APBB2: variants seen among roughly 807,000 people sequenced by gnomAD.
APBB2 encodes amyloid beta precursor protein binding family B member 2.
A neutral mutation model predicts 82.5 loss-of-function variants in APBB2; 38 were observed. The observed-to-expected ratio is 0.46, with a 90% confidence interval of 0.36 to 0.60. APBB2 has a LOEUF of 0.60. Among genes scored for constraint, APBB2 ranks in the 20% least tolerant of loss-of-function variants. The pLI, the probability that APBB2 is intolerant of heterozygous loss-of-function variation, is 0.00. For synonymous variants in APBB2, 341 were observed against 368.2 expected (o/e 0.93, Z 0.85); for missense variants, 772 against 972.3 (o/e 0.79, Z 2.74).
Position 40,834,975 on chromosome 4 carries a change from T to G in APBB2, c.1530-4398A>C, listed in dbSNP as rs532084778. ...GTGTGGTATTAAAGACTGATATTTT[T>G]TAAAATATTCAATTCATTAAAGTCC... On this transcript the variant is annotated intron_variant, in intron 12 of 17. Transcript: ENST00000508593. Among the ~76,000 whole-genome samples, 394 of 152,270 alleles carry G rather than the reference T, an allele frequency of 2.6e-3. 2 individuals carry two copies. The highest frequency in any genetic ancestry group is 9.0e-3 in the African/African-American group (372 of 41,554).
At chr4:40,987,542 T>C (rs553590879) in intron 6 of APBB2, among the ~76,000 whole-genome samples, 1 of 152,310 alleles carries the variant, frequency 6.6e-6, no homozygotes, top group East Asian at 1.9e-4. Context: ...TTCAATCCAA[T>C]GGCTAACTCT....
chr4:41,063,910 C>T (rs1730707767), intron 4 of APBB2, among the ~76,000 whole-genome samples: 1 of 148,616 alleles, frequency 6.7e-6, no homozygotes, highest in African/African-American at 2.5e-5. Flanking sequence ...AACTCCTGGG[C>T]TCAAGTGATC....
chr4:40,823,351 G>A (rs1038299051), intron 16 of APBB2, among the ~76,000 whole-genome samples: 1 of 152,172 alleles, frequency 6.6e-6, no homozygotes, highest in African/African-American at 2.4e-5. Flanking sequence ...GGCGCCCTGA[G>A]AGTGAGCGAC....
intron 1 of APBB2, among the ~76,000 whole-genome samples, chr4:41,155,678 C>T (rs769753284): frequency 3.3e-5 from 5 of 152,350 alleles, no homozygotes; most frequent in Non-Finnish European, 5.9e-5. Flanking sequence ...AGGAAAGCAG[C>T]TTTCATGGAA....
chr4:41,103,352 A>T (rs1189931383), intron 2 of APBB2, among the ~76,000 whole-genome samples: 1 of 152,208 alleles, frequency 6.6e-6, no homozygotes, highest in Non-Finnish European at 1.5e-5. Flanking sequence ...GACAAAATGA[A>T]TGGAATTACT....
At chr4:40,835,383 A>G (rs899951619) in intron 12 of APBB2, among the ~76,000 whole-genome samples, 9 of 152,212 alleles carry the variant, frequency 5.9e-5, no homozygotes, top group Non-Finnish European at 1.0e-4. Flanking sequence ...CCAGCCTTGC[A>G]AGCCCGTCTA....
intron 4 of APBB2, among the ~76,000 whole-genome samples, chr4:41,039,937 G>A (rs1720705255): frequency 6.6e-6 from 1 of 151,690 alleles, no homozygotes; most frequent in South Asian, 2.1e-4. Context: ...GGACCAAAAA[G>A]CAATGTCCTG....
At chr4:41,192,305 A>AT (rs1348625944) in intron 1 of APBB2, among the ~76,000 whole-genome samples, 2 of 152,220 alleles carry the variant, frequency 1.3e-5, no homozygotes, top group Non-Finnish European at 2.9e-5. Flanking sequence ...CCCAAAGGAA[A>AT]TGAAATCACC....
intron 3 of APBB2, among the ~76,000 whole-genome samples, chr4:41,067,689 T>C (rs1383218144): frequency 1.3e-5 from 2 of 152,060 alleles, no homozygotes; most frequent in African/African-American, 4.8e-5. Context: ...CCAGGAAGAA[T>C]GGTAGAGAGG....
At chr4:41,016,483 G>GAA (rs1402899399) in intron 5 of APBB2, among the ~76,000 whole-genome samples, 1 of 152,146 alleles carries the variant, frequency 6.6e-6, no homozygotes, top group Non-Finnish European at 1.5e-5. Context: ...CCAACATGGA[G>GAA]AAACCCTGTC....
chr4:40,997,743 C>T (rs1804030826), intron 6 of APBB2, among the ~76,000 whole-genome samples: 1 of 152,194 alleles, frequency 6.6e-6, no homozygotes, highest in Admixed American at 6.5e-5. Context: ...GGCATCTCAG[C>T]ATGAAGCAAG....
At chr4:40,912,357 T>A (rs1414288089) in intron 10 of APBB2, among the ~76,000 whole-genome samples, 1 of 152,140 alleles carries the variant, frequency 6.6e-6, no homozygotes, top group Admixed American at 6.5e-5. Context: ...GGCGGGCGGA[T>A]CACCAGGTCA....
chr4:40,992,911 G>C (rs771140844), intron 6 of APBB2, among the ~76,000 whole-genome samples: 9 of 152,160 alleles, frequency 5.9e-5, no homozygotes, highest in Non-Finnish European at 1.2e-4. Context: ...CTGCCTACTT[G>C]TTCTAGTCTA....
intron 6 of APBB2, among the ~76,000 whole-genome samples, chr4:41,009,377 C>T (rs764301137): frequency 1.3e-5 from 2 of 152,004 alleles, no homozygotes; most frequent in Non-Finnish European, 2.9e-5. Context: ...TTCAAATAGC[C>T]TCTTGTTTTC....
At chr4:40,839,418 C>T (rs1016404391) in intron 12 of APBB2, among the ~76,000 whole-genome samples, 15 of 152,052 alleles carry the variant, frequency 9.9e-5, no homozygotes, top group African/African-American at 3.4e-4. Flanking sequence ...TCACATTACA[C>T]TCAATCTCTC....
intron 10 of APBB2, among the ~76,000 whole-genome samples, chr4:40,933,683 G>A (rs1784755049): frequency 6.6e-6 from 1 of 152,204 alleles, no homozygotes; most frequent in African/African-American, 2.4e-5. Context: ...GGTCTGGCAG[G>A]GCCTGAGATG....
intron 6 of APBB2, among the ~76,000 whole-genome samples, chr4:40,986,704 T>C (rs1314982608): frequency 1.3e-5 from 2 of 152,246 alleles, no homozygotes; most frequent in Non-Finnish European, 2.9e-5. Context: ...TGGAATCTAC[T>C]GCATTAATCC....
At chr4:41,169,174 A>C (rs1478913745) in intron 1 of APBB2, among the ~76,000 whole-genome samples, 1 of 127,176 alleles carries the variant, frequency 7.9e-6, no homozygotes, top group Admixed American at 8.7e-5. Flanking sequence ...ACAGAGCAAC[A>C]CTCCGTCTCA....
At chr4:41,138,173 C>A (rs1758120208) in intron 2 of APBB2, 1 of 151,752 alleles carries the variant, frequency 6.6e-6, no homozygotes, top group Non-Finnish European at 1.5e-5. Context: ...TTAAAAAAAA[C>A]ACAAAAACTA....
Sources: allele counts gnomAD v4.1 joint callset (sites outside exome capture counted in the v4.1 genomes callset), GRCh38; gene constraint gnomAD v4.1.1; transcripts MANE v1.5; gene names NCBI Gene and HGNC (gene_info 2026-07-23, HGNC 2026-07-21).